Variants in ABCG1 observed in about 807,000 individuals in gnomAD.
ABCG1 encodes the protein ATP binding cassette subfamily G member 1.
Under a neutral mutation model 69.2 loss-of-function variants are expected in ABCG1, and 29 were observed. That is an observed-to-expected ratio of 0.42 (90% CI 0.31 to 0.57). ABCG1 has a LOEUF of 0.57. ABCG1 is among the 20% of genes least tolerant of loss of function. The pLI, the probability that ABCG1 is intolerant of heterozygous loss-of-function variation, is 0.15. For synonymous variants in ABCG1, 370 were observed against 374.8 expected, an observed-to-expected ratio of 0.99 and a Z score of 0.15; for missense variants, 718 against 898.1, an observed-to-expected ratio of 0.80 and a Z score of 2.56.
chr21:42,216,731 C>T (rs1310962546), upstream of ABCG1, among the ~76,000 whole-genome samples: 2 of 152,194 alleles, frequency 1.3e-5, no homozygotes, highest in East Asian at 3.9e-4. Context: ...CTGTACTTAG[C>T]TTAAGCCAGT....
At chr21:42,215,119 G>A (rs1000158577), upstream of ABCG1, among the ~76,000 whole-genome samples, 40 of 152,208 alleles carry the variant, frequency 2.6e-4, no homozygotes, top group Non-Finnish European at 5.0e-4. Flanking sequence ...GGGGAACCAG[G>A]GATTCAGAGA....
chr21:42,275,702 GA>G (rs1178526459), intron 4 of ABCG1, among the ~76,000 whole-genome samples: 5 of 152,182 alleles, frequency 3.3e-5, no homozygotes, highest in Non-Finnish European at 5.9e-5. Flanking sequence ...GCTGTGAAAT[GA>G]TCTATTTTCA....
chr21:42,273,244 G>T lies in ABCG1; in HGVS notation c.405-59G>T. 6.4e-7 allele frequency: 1 copy of T among 1,571,244 alleles called. No homozygotes were observed. ...GTCTCTGGCTCCCCTCTCCTGCCCCGGGAGGTGGAGGAGGAGCAGGAGCCC... is the reference window on the plus strand; with the variant it reads ...GTCTCTGGCTCCCCTCTCCTGCCCCTGGAGGTGGAGGAGGAGCAGGAGCCC... On this transcript the variant is annotated intron_variant, in intron 3 of 14. Coordinates refer to ENST00000398449, the MANE Select transcript of ABCG1 (RefSeq NM_016818.3). This position sits in a 1 kb window ranked among gnomAD's most constrained non-coding sequence, Gnocchi z 5.3.
intron 2 of ABCG1, among the ~76,000 whole-genome samples, chr21:42,238,208 G>A (rs1482454539): frequency 1.3e-5 from 2 of 152,210 alleles, no homozygotes; most frequent in African/African-American, 4.8e-5. Flanking sequence ...CAACCCTGCG[G>A]TCAGGTTTTC....
rs1001012265 is a variant in ABCG1, at chr21:42,273,678, G to A, written c.537+243G>A. 3.3e-5 allele frequency among the ~76,000 whole-genome samples: 5 copies of A among 152,138 alleles called. No individual in the cohort carries two copies. Among genetic ancestry groups the A allele is most frequent in the Non-Finnish European group, 5.9e-5 (4 of 68,030 alleles). ...AATGGACCTTGTTTGGCAGGGTTGG[G>A]GTCAAGTTTCTGAGAAGGTTATTAA... On this transcript the variant is annotated intron_variant, in intron 4 of 14. Transcript: ENST00000398449. The surrounding 1 kb of genome is among the most constrained non-coding windows in gnomAD (Gnocchi z 5.3).
intron 5 of ABCG1, among the ~76,000 whole-genome samples, chr21:42,277,875 T>G (rs1232867045): frequency 6.6e-6 from 1 of 152,158 alleles, no homozygotes; most frequent in Non-Finnish European, 1.5e-5. Context: ...CCCTCTCCGG[T>G]CATCTGTAAT....
At chr21:42,213,918 T>A (rs2067613495), upstream of ABCG1, among the ~76,000 whole-genome samples, 1 of 152,248 alleles carries the variant, frequency 6.6e-6, no homozygotes, top group Admixed American at 6.5e-5. Context: ...AGAGGACATT[T>A]ACCTTGAGTC....
Position 42,296,088 on chromosome 21 carries a change from G to T in ABCG1, c.1773-76G>T. 7.8e-7 allele frequency: 1 copy of T among 1,284,082 alleles called. No individual in the cohort carries two copies. The highest frequency in any genetic ancestry group is 1.2e-5 in the South Asian group (1 of 82,960). 79.5% of individuals were successfully genotyped at this position (1,284,082 alleles called of 1,614,324 possible). The stretch of plus-strand genomic sequence containing the variant: ...CCAAGCTGGGAATCGCAGGGAGGGT[G>T]AACGACATTGACCTTCAGCCAACGG... On this transcript the variant is annotated intron_variant, in intron 14 of 14. Coordinates refer to ENST00000398449, the MANE Select transcript of ABCG1 (RefSeq NM_016818.3). The surrounding 1 kb of genome is among the most constrained non-coding windows in gnomAD (Gnocchi z 5.4).
chr21:42,207,235 C>A (rs1178810331), intron 2 of ABCG1, among the ~76,000 whole-genome samples: 1 of 152,128 alleles, frequency 6.6e-6, no homozygotes, highest in African/African-American at 2.4e-5. Context: ...ATATACAGTC[C>A]TACAGGCCCC....
Position 42,291,947 on chromosome 21 carries a change from C to G in ABCG1, c.1653+291C>G, listed in dbSNP as rs2069070671. On this transcript the variant is annotated intron_variant, in intron 13 of 14. Coordinates refer to ENST00000398449, the MANE Select transcript of ABCG1 (RefSeq NM_016818.3). The surrounding 1 kb of genome is among the most constrained non-coding windows in gnomAD (Gnocchi z 6.4). ...AGCACAGCCACGCTTAGGTGCTGTGCTGGCCCCATTTTACATAGGGGAGCA... is the reference window on the plus strand; with the variant it reads ...AGCACAGCCACGCTTAGGTGCTGTGGTGGCCCCATTTTACATAGGGGAGCA... 6.6e-6 allele frequency among the ~76,000 whole-genome samples: 1 copy of G among 152,310 alleles called. No homozygotes were observed. Among genetic ancestry groups the G allele is most frequent in the African/African-American group, 2.4e-5 (1 of 41,564 alleles).
chr21:42,258,070 C>T (rs9979676), intron 2 of ABCG1, among the ~76,000 whole-genome samples: 5 of 88,044 alleles, frequency 5.7e-5, no homozygotes, highest in African/African-American at 2.2e-4. Flanking sequence ...ACCTCTTCAT[C>T]CACTCCATCC....
intron 2 of ABCG1, among the ~76,000 whole-genome samples, chr21:42,260,366 C>T (rs1228184115): frequency 6.6e-6 from 1 of 152,210 alleles, no homozygotes; most frequent in Non-Finnish European, 1.5e-5. Context: ...AGGGGCTCAT[C>T]ACCTGTGAAA....
At chr21:42,200,523 A>T (rs368075440) in intron 1 of ABCG1, among the ~76,000 whole-genome samples, 1 of 151,354 alleles carries the variant, frequency 6.6e-6, no homozygotes, top group Non-Finnish European at 1.5e-5. Flanking sequence ...ACAGAAGACA[A>T]TTTTTCCATG....
intron 5 of ABCG1, among the ~76,000 whole-genome samples, chr21:42,279,325 C>T (rs78651207): frequency 0.19 from 28,135 of 152,048 alleles, 2,745 homozygotes; most frequent in South Asian, 0.3. Flanking sequence ...ACAGAGCAAA[C>T]GGTGGAGAGG....
At chr21:42,250,376 C>T (rs1393272965) in intron 2 of ABCG1, among the ~76,000 whole-genome samples, 1 of 152,154 alleles carries the variant, frequency 6.6e-6, no homozygotes, top group Non-Finnish European at 1.5e-5. Flanking sequence ...ACTTCCCATT[C>T]CCTGCCCCAT....
intron 2 of ABCG1, among the ~76,000 whole-genome samples, chr21:42,266,618 A>C (rs558373557): frequency 6.6e-6 from 1 of 152,130 alleles, no homozygotes; most frequent in Non-Finnish European, 1.5e-5. Context: ...GCACTCTTCT[A>C]TCCTCCTCCC....
At chr21:42,201,791 C>A in intron 2 of ABCG1, 1 of 1,610,140 alleles carries the variant, frequency 6.2e-7, no homozygotes, top group East Asian at 2.2e-5. Context: ...CTTGTTTCAA[C>A]TCGTTCCGTG....
At chr21:42,242,555 G>A (rs930178521) in intron 2 of ABCG1, among the ~76,000 whole-genome samples, 12 of 152,186 alleles carry the variant, frequency 7.9e-5, no homozygotes, top group Non-Finnish European at 1.8e-4. Flanking sequence ...GGAGGAGGGA[G>A]CTGTATTATA....
Position 42,273,487 on chromosome 21 carries a change from G to A in ABCG1, c.537+52G>A, listed in dbSNP as rs746981742. 6.1e-5 allele frequency: 97 copies of A among 1,580,152 alleles called. 1 individual carries two copies. In the South Asian group the frequency reaches 6.2e-4, roughly 10 times the overall value. ...TCCGCCCCTGCCGCCTGTCCCCAGCGCCCACATTAGACACAGCACTGGCCG... is the reference window on the plus strand; with the variant it reads ...TCCGCCCCTGCCGCCTGTCCCCAGCACCCACATTAGACACAGCACTGGCCG... On this transcript the variant is annotated intron_variant, in intron 4 of 14. Coordinates refer to ENST00000398449, the MANE Select transcript of ABCG1 (RefSeq NM_016818.3). This position sits in a 1 kb window ranked among gnomAD's most constrained non-coding sequence, Gnocchi z 5.3.
Sources: allele counts gnomAD v4.1 joint callset (sites outside exome capture counted in the v4.1 genomes callset), GRCh38; gene constraint gnomAD v4.1.1; non-coding constraint Gnocchi (gnomAD v3.1); transcripts MANE v1.5; gene names NCBI Gene and HGNC (gene_info 2026-07-23, HGNC 2026-07-21).